Variants in SAAL1 observed in about 807,000 individuals in gnomAD.
SAAL1 encodes protein SAAL1.
SAAL1 carries 42 observed loss-of-function variants against 59.8 expected under a neutral mutation model. The ratio of observed to expected loss-of-function variants is 0.70; its 90% confidence interval spans 0.55 to 0.91. SAAL1 has a LOEUF of 0.91. Ranked by LOEUF, SAAL1 falls within the 40% of genes least tolerant of loss-of-function variation. SAAL1 has a pLI of 0.00. For missense variants in SAAL1, 542 were observed against 561.1 expected (o/e 0.97, Z 0.34); for synonymous variants, 191 against 194.3 (o/e 0.98, Z 0.14).
At chr11:18,102,252 A>C (rs1848642441) in intron 2 of SAAL1, among the ~76,000 whole-genome samples, 1 of 152,058 alleles carries the variant, frequency 6.6e-6, no homozygotes. Context: ...AAATATAAAA[A>C]TTCGCAGGGA....
chr11:18,092,896 G>C (rs1474150875), intron 3 of SAAL1, among the ~76,000 whole-genome samples: 1 of 152,194 alleles, frequency 6.6e-6, no homozygotes, highest in Non-Finnish European at 1.5e-5. Flanking sequence ...GTGGCGAAAT[G>C]CATAATGTAT....
At chr11:18,082,267 A>G (rs2134053482) in intron 10 of SAAL1, among the ~76,000 whole-genome samples, 1 of 152,354 alleles carries the variant, frequency 6.6e-6, no homozygotes, top group East Asian at 1.9e-4. Context: ...CATACAAATA[A>G]TCAAAATGGA....
intron 3 of SAAL1, among the ~76,000 whole-genome samples, chr11:18,095,742 C>T (rs1254808414): frequency 6.6e-6 from 1 of 152,226 alleles, no homozygotes; most frequent in African/African-American, 2.4e-5. Flanking sequence ...CAATAAAGCA[C>T]AGTACACTGC....
chr11:18,090,497 C>T lies in SAAL1; in HGVS notation c.414-4G>A. The T allele has an allele frequency of 6.2e-7, 1 of 1,602,012 alleles. No homozygotes were observed. Among genetic ancestry groups the T allele is most frequent in the East Asian group, 2.2e-5 (1 of 44,758 alleles). Reference sequence around the variant, plus strand: ...CAAACAGTGCAATAACACCTGCCTACAAAAACAAAGAAGTTAACCGATATG... The same window carrying T: ...CAAACAGTGCAATAACACCTGCCTATAAAAACAAAGAAGTTAACCGATATG... On this transcript the variant is annotated splice_region_variant and splice_polypyrimidine_tract_variant and intron_variant, in intron 4 of 11. Transcript: ENST00000524803.
At chr11:18,103,430 A>T in intron 1 of SAAL1, 84 bp from the exon 2 acceptor site, 1 of 1,025,446 alleles carries the variant, frequency 9.8e-7, no homozygotes, top group Non-Finnish European at 1.5e-6. Flanking sequence ...GTGATCAAAT[A>T]ACATTTCCTC....
chr11:18,083,351 A>G (rs1478884744), intron 10 of SAAL1, 184 bp downstream of exon 10: 1 of 462,714 alleles, frequency 2.2e-6, no homozygotes, highest in Non-Finnish European at 3.8e-6. Context: ...TGTCTGTCAC[A>G]CGTAAATATA....
intron 4 of SAAL1, chr11:18,090,729 T>C (rs1848515748): frequency 2.7e-6 from 1 of 365,680 alleles, no homozygotes; most frequent in Non-Finnish European, 4.8e-6. Context: ...CACAATTCTC[T>C]TTCCCACCTA....
At position 18,105,927 on chromosome 11, in the gene SAAL1, C is replaced by G. The variant is rs1294893607; in HGVS notation, c.115G>C (p.Val39Leu). 6.2e-7 allele frequency: 1 copy of G among 1,603,958 alleles called. No homozygotes were observed. Among genetic ancestry groups the G allele is most frequent in the African/African-American group, 1.3e-5 (1 of 74,896 alleles). ...TVYSKHWLFG[V>L]LSGLIQIVSP... ...CACACCTGGATGAGTCCGCTGAGGA[C>G]GCCGAAGAGCCAGTGTTTGCTGTAG... Residue 39 changes from valine to leucine, a missense_variant, in exon 1 of 12, where the codon GTC (valine) becomes CTC (leucine). Transcript: ENST00000524803.
At chr11:18,087,325 T>C (rs1848474737) in intron 7 of SAAL1, 100 bp from the exon 8 acceptor site, 1 of 735,742 alleles carries the variant, frequency 1.4e-6, no homozygotes, top group Non-Finnish European at 2.3e-6. Flanking sequence ...TGCCAGCCAC[T>C]GTTCAAGGTG....
Position 18,090,219 on chromosome 11 carries a change from G to T in SAAL1, c.545C>A (p.Ala182Asp). The change falls in exon 6 of 12, where the codon GCT (alanine) becomes GAT (aspartate). Residue 182 changes from alanine to aspartate, a missense_variant. Transcript: ENST00000524803. Reference protein sequence around the residue: ...VWVERIQEHPAIYDSICFIMS... With the variant: ...VWVERIQEHPDIYDSICFIMS... The stretch of plus-strand genomic sequence containing the variant: ...AATGAAGCAAATGCTATCATAAATA[G>T]CTGGATGTTCCTGGATCCTTTCAAC... 1 of 1,606,014 alleles carries T rather than the reference G, an allele frequency of 6.2e-7. No individual in the cohort carries two copies.
At position 18,090,269 on chromosome 11, in the gene SAAL1, G is replaced by A; in HGVS notation, c.495C>T (p.Ser165=). ...CCCAAACACTGGCCACTTCTGCCTGGGAAAGGCAAGTAAGCAACAACCTAC... is the reference window on the plus strand; with the variant it reads ...CCCAAACACTGGCCACTTCTGCCTGAGAAAGGCAAGTAAGCAACAACCTAC... ...ETSRLLLTCL[S]QAEVASVWVE... is the part of the protein sequence containing the mutation. The change falls in exon 6 of 12, where the codon TCC becomes TCT. Residue 165 remains serine, a synonymous_variant. Transcript: ENST00000524803. The A allele has an allele frequency of 6.2e-7, 1 of 1,604,610 alleles. No homozygotes were observed. The highest frequency in any genetic ancestry group is 8.5e-7 in the Non-Finnish European group (1 of 1,177,816).
chr11:18,105,657 A>C (rs565113957), intron 1 of SAAL1, among the ~76,000 whole-genome samples: 1 of 152,298 alleles, frequency 6.6e-6, no homozygotes, highest in South Asian at 2.1e-4. Context: ...GGGAAAGCAA[A>C]ATAGAACGGC....
chr11:18,099,231 C>T (rs1389646274), intron 2 of SAAL1, among the ~76,000 whole-genome samples: 1 of 152,230 alleles, frequency 6.6e-6, no homozygotes, highest in Non-Finnish European at 1.5e-5. Context: ...GATCCTCCTG[C>T]CTCAGCCTCC....
In SAAL1 at chr11:18,090,212, A is replaced by G; in HGVS notation, c.552T>C (p.Tyr184=). The change falls in exon 6 of 12, where the codon TAT becomes TAC. Residue 184 remains tyrosine (Y), a synonymous_variant. Coordinates refer to ENST00000524803, the MANE Select transcript of SAAL1 (RefSeq NM_138421.3). ...VERIQEHPAI[Y]DSICFIMSSS... Reference sequence around the variant, plus strand: ...TTGACATAATGAAGCAAATGCTATCATAAATAGCTGGATGTTCCTGGATCC... The same window carrying G: ...TTGACATAATGAAGCAAATGCTATCGTAAATAGCTGGATGTTCCTGGATCC... The G allele has an allele frequency of 6.2e-7, 1 of 1,605,008 alleles. No individual in the cohort carries two copies. Among genetic ancestry groups the G allele is most frequent in the Non-Finnish European group, 8.5e-7 (1 of 1,177,188 alleles).
At chr11:18,081,061 G>A (rs538187785) in intron 11 of SAAL1, among the ~76,000 whole-genome samples, 12 of 152,116 alleles carry the variant, frequency 7.9e-5, no homozygotes, top group South Asian at 2.1e-4. Flanking sequence ...ACATGATGCC[G>A]AGGTTTGAGG....
At chr11:18,105,773 A>G (rs1323801241) in intron 1 of SAAL1, 134 bp downstream of exon 1, 1 of 1,166,782 alleles carries the variant, frequency 8.6e-7, no homozygotes, top group East Asian at 2.8e-5. Context: ...GCAAGGAGCA[A>G]GGTCCCGCAG....
rs2468791 is a variant in SAAL1 at position 18,094,956 on chromosome 11, T to C, written c.333+1815A>G. Among the ~76,000 whole-genome samples the C allele has an allele frequency of 7.6e-3, 1,158 of 152,322 alleles. 15 individuals are homozygous for C. The highest frequency in any genetic ancestry group is 0.026 in the African/African-American group (1,099 of 41,568). Reference sequence around the variant, plus strand: ...CCCAGAGTCTCACACTTGGAGATTCTGCTTTAACTCATCTAGGGTATGGCC... The same window carrying C: ...CCCAGAGTCTCACACTTGGAGATTCCGCTTTAACTCATCTAGGGTATGGCC... On this transcript the variant is annotated intron_variant, in intron 3 of 11. Coordinates refer to ENST00000524803, the MANE Select transcript of SAAL1 (RefSeq NM_138421.3).
chr11:18,087,077 GC>G, intron 8 of SAAL1, 23 bp from the exon 9 acceptor site: 3 of 1,604,776 alleles, frequency 1.9e-6, no homozygotes, highest in Non-Finnish European at 2.6e-6. Flanking sequence ...GACAAATAAA[GC>G]AGTACTTTAA....
At chr11:18,085,184 C>T (rs550350211) in intron 9 of SAAL1, among the ~76,000 whole-genome samples, 94 of 152,280 alleles carry the variant, frequency 6.2e-4, no homozygotes, top group African/African-American at 2.2e-3. Flanking sequence ...ACACCAGAGA[C>T]TCTAGGCAAC....
Sources: allele counts gnomAD v4.1 joint callset (sites outside exome capture counted in the v4.1 genomes callset), GRCh38; gene constraint gnomAD v4.1.1; transcripts MANE v1.5; gene names NCBI Gene and HGNC (gene_info 2026-07-23, HGNC 2026-07-21).